NRG1: variants seen among roughly 807,000 people sequenced by gnomAD.
NRG1 encodes the protein pro-neuregulin-1, membrane-bound isoform.
In NRG1, 18 loss-of-function variants were observed where a neutral mutation model predicts 63.8. That is an observed-to-expected ratio of 0.28 (90% CI 0.19 to 0.42). The LOEUF (loss-of-function observed/expected upper bound fraction) is 0.42. NRG1 is among the 10% of genes least tolerant of loss of function. The pLI, the probability that NRG1 is intolerant of heterozygous loss-of-function variation, is 1.00. For synonymous variants in NRG1, 302 were observed against 301.3 expected (o/e 1.00, Z -0.02); for missense variants, 762 against 814.7 (o/e 0.94, Z 0.79).
At chr8:31,733,600 TTC>T (rs1814340626) in intron 1 of NRG1, among the ~76,000 whole-genome samples, 1 of 152,134 alleles carries the variant, frequency 6.6e-6, no homozygotes, top group African/African-American at 2.4e-5. Context: ...GCAGCTCTTG[TTC>T]TCTTTCATCT....
rs147032518 is a variant in NRG1 at position 31,944,788 on chromosome 8, C to A, written c.37+305357C>A. On this transcript the variant is annotated intron_variant, in intron 1 of 10. Transcript: ENST00000519301. ...GCATGCAATTAGTGGATCAACAAAG[C>A]AATTTACGCAGTAGGTATGTATTTT... Among the ~76,000 whole-genome samples the A allele has an allele frequency of 4.3e-3, 656 of 152,282 alleles. 2 individuals carry two copies. Among genetic ancestry groups the A allele is most frequent in the African/African-American group, 0.015 (607 of 41,546 alleles).
At chr8:31,660,605 C>T (rs1563265697) in intron 1 of NRG1, among the ~76,000 whole-genome samples, 2 of 152,286 alleles carry the variant, frequency 1.3e-5, no homozygotes, top group East Asian at 1.9e-4. Flanking sequence ...AACTCCGGCT[C>T]ACCAGCCACT....
At chr8:32,215,023 G>T (rs3843547) in intron 1 of NRG1, among the ~76,000 whole-genome samples, 121,812 of 152,188 alleles carry the variant, frequency 0.8, 49,491 homozygotes, top group African/African-American at 0.92. Flanking sequence ...GGTTGCCTGA[G>T]GAAATGGGGG....
At chr8:31,863,842 G>A (rs1383891) in intron 1 of NRG1, among the ~76,000 whole-genome samples, 4 of 152,006 alleles carry the variant, frequency 2.6e-5, no homozygotes, top group Admixed American at 6.6e-5. Context: ...TATACTGGGC[G>A]CTCTCATAGC....
chr8:32,119,715 G>A (rs1833189819), intron 1 of NRG1, among the ~76,000 whole-genome samples: 1 of 151,940 alleles, frequency 6.6e-6, no homozygotes, highest in African/African-American at 2.4e-5. Flanking sequence ...TGACACCCAG[G>A]ACAACTGGAA....
intron 1 of NRG1, among the ~76,000 whole-genome samples, chr8:31,881,257 A>G (rs1244888882): frequency 6.6e-6 from 1 of 152,134 alleles, no homozygotes; most frequent in Non-Finnish European, 1.5e-5. Context: ...CATTTTGGTA[A>G]TTCTGAAATA....
intron 1 of NRG1, among the ~76,000 whole-genome samples, chr8:31,914,728 G>A (rs954150412): frequency 1.3e-5 from 2 of 151,824 alleles, no homozygotes; most frequent in African/African-American, 2.4e-5. Flanking sequence ...CTGGATATTC[G>A]AATTATCAAA....
intron 1 of NRG1, among the ~76,000 whole-genome samples, chr8:32,017,613 T>G (rs1047782799): frequency 1.3e-5 from 2 of 152,202 alleles, no homozygotes; most frequent in Non-Finnish European, 2.9e-5. Flanking sequence ...AGGGTTCCCA[T>G]GACCCCTTCC....
chr8:32,618,096 A>G (rs1847703497), intron 5 of NRG1, among the ~76,000 whole-genome samples: 1 of 152,162 alleles, frequency 6.6e-6, no homozygotes, highest in Non-Finnish European at 1.5e-5. Context: ...CAAAATGATA[A>G]TTTCTGCCGG....
intron 1 of NRG1, among the ~76,000 whole-genome samples, chr8:31,848,413 C>T (rs1243860291): frequency 6.6e-6 from 1 of 152,186 alleles, no homozygotes; most frequent in Non-Finnish European, 1.5e-5. Context: ...AGCTTACCCT[C>T]ATCAGTCACC....
At chr8:31,652,954 TCTCTCCTCTCCTCTCCTCTC>T (rs149262363) in intron 1 of NRG1, among the ~76,000 whole-genome samples, 561 of 22,428 alleles carry the variant, frequency 0.025, 18 homozygotes, top group Non-Finnish European at 0.032. Context: ...CTTCCTCTCT[TCTCTCCTCTCCTCTCCTCTC>T]CTCTCCTCTC....
intron 1 of NRG1, among the ~76,000 whole-genome samples, chr8:32,019,047 G>A (rs142577958): frequency 1.6e-4 from 25 of 152,238 alleles, no homozygotes; most frequent in African/African-American, 2.9e-4. Flanking sequence ...ATGTTCTTTC[G>A]ATTTTTTGCC....
intron 1 of NRG1, among the ~76,000 whole-genome samples, chr8:32,269,956 C>T (rs1851373253): frequency 6.6e-6 from 1 of 152,150 alleles, no homozygotes. Flanking sequence ...TGTGCTCTGT[C>T]CCCTCATAAA....
chr8:32,728,719 A>ATAGACAAAT, intron 6 of NRG1: 1 of 899,300 alleles, frequency 1.1e-6, no homozygotes, highest in Non-Finnish European at 1.3e-6. Context: ...AGATATATCT[A>ATAGACAAAT]GAATAGCACT....
At position 32,370,952 on chromosome 8, in the gene NRG1, C is replaced by T. The variant is rs536832250; in HGVS notation, c.38-224876C>T. 4.6e-5 allele frequency among the ~76,000 whole-genome samples: 7 copies of T among 151,450 alleles called. No individual in the cohort carries two copies. In the South Asian group the frequency reaches 1.5e-3, roughly 32 times the overall value. On this transcript the variant is annotated intron_variant, in intron 1 of 10. Transcript: ENST00000519301. Reference sequence around the variant, plus strand: ...TTTCACTAGCCGTGGTTGCTCATGCCTGCAATCCTAGCACTTTAGGAGGCT... The same window carrying T: ...TTTCACTAGCCGTGGTTGCTCATGCTTGCAATCCTAGCACTTTAGGAGGCT...
intron 1 of NRG1, among the ~76,000 whole-genome samples, chr8:31,768,167 A>T (rs1818266100): frequency 6.6e-6 from 1 of 152,216 alleles, no homozygotes; most frequent in Admixed American, 6.5e-5. Context: ...AAATGATGTC[A>T]TCAAGTCACT....
chr8:32,628,027 A>C (rs2129543634), intron 5 of NRG1, among the ~76,000 whole-genome samples: 1 of 152,350 alleles, frequency 6.6e-6, no homozygotes, highest in African/African-American at 2.4e-5. Context: ...TCAGCCTATA[A>C]AAATCCATTT....
chr8:31,832,710 TA>T (rs992719542), intron 1 of NRG1, among the ~76,000 whole-genome samples: 2 of 152,158 alleles, frequency 1.3e-5, no homozygotes, highest in African/African-American at 2.4e-5. Context: ...GAGCAAAAAT[TA>T]GGATGGGGAT....
rs554086141 is a variant in NRG1 at position 32,015,615 on chromosome 8, C to T, written c.37+376184C>T. 4.6e-5 allele frequency among the ~76,000 whole-genome samples: 7 copies of T among 152,150 alleles called. No homozygotes were observed. In the East Asian group the frequency reaches 5.8e-4, roughly 13 times the overall value. ...CCCCAACCTGAAGGTGACACTTGTG[C>T]GCACGTAAATCTCTATTTCTTAGAG... is the stretch of plus-strand genomic sequence containing the variant. On this transcript the variant is annotated intron_variant, in intron 1 of 10. Transcript: ENST00000519301.
Sources: gnomAD v4.1 joint callset for allele counts (sites outside exome capture counted in the v4.1 genomes callset) on GRCh38, gnomAD v4.1.1 for gene constraint, MANE v1.5 for transcripts, NCBI Gene and HGNC (gene_info 2026-07-23, HGNC 2026-07-21) for gene names.